Variants in NRXN3 observed in about 807,000 individuals in gnomAD.
NRXN3 encodes neurexin 3, also known as neurexin III.
NRXN3 carries 32 observed loss-of-function variants against 137.6 expected under a neutral mutation model. The ratio of observed to expected loss-of-function variants is 0.23; its 90% CI spans 0.18 to 0.31. The LOEUF (loss-of-function observed/expected upper bound fraction) is 0.31. Among genes scored for constraint, NRXN3 ranks in the 10% least tolerant of loss-of-function variants. NRXN3 has a pLI of 1.00. For missense variants in NRXN3, 1,574 were observed against 2,062.5 expected, an observed-to-expected ratio of 0.76 and a Z score of 4.59; for synonymous variants, 798 against 784.5, an observed-to-expected ratio of 1.02 and a Z score of -0.29.
At chr14:79,472,401 A>G (rs1185561026) in intron 16 of NRXN3, among the ~76,000 whole-genome samples, 1 of 152,236 alleles carries the variant, frequency 6.6e-6, no homozygotes, top group Non-Finnish European at 1.5e-5. Flanking sequence ...GCCAGGAGAT[A>G]AAAATGATTT....
chr14:78,300,960 C>T (rs2076814696), intron 4 of NRXN3, among the ~76,000 whole-genome samples: 1 of 152,100 alleles, frequency 6.6e-6, no homozygotes, highest in Non-Finnish European at 1.5e-5. Flanking sequence ...CTCTTTCTAT[C>T]AGGAACGGGG....
At chr14:79,205,426 A>T (rs2066650553) in intron 15 of NRXN3, among the ~76,000 whole-genome samples, 1 of 152,206 alleles carries the variant, frequency 6.6e-6, no homozygotes, top group African/African-American at 2.4e-5. Context: ...TAAGTAGAGC[A>T]ATTTAGATGG....
chr14:78,829,231 T>C (rs938158521), intron 10 of NRXN3, among the ~76,000 whole-genome samples: 1 of 152,318 alleles, frequency 6.6e-6, no homozygotes, highest in African/African-American at 2.4e-5. Context: ...TCATCCTTTC[T>C]TTTGTTCTTA....
At chr14:79,177,993 A>C (rs531356018) in intron 15 of NRXN3, among the ~76,000 whole-genome samples, 1 of 152,368 alleles carries the variant, frequency 6.6e-6, no homozygotes. Context: ...TGACCAAAAA[A>C]ATGGCTATGT....
intron 15 of NRXN3, among the ~76,000 whole-genome samples, chr14:79,002,213 G>A (rs1006980325): frequency 6.6e-6 from 1 of 152,110 alleles, no homozygotes; most frequent in Non-Finnish European, 1.5e-5. Flanking sequence ...ATGTGTATAT[G>A]TATTTTTTAT....
chr14:79,505,267 C>T (rs923564479), intron 16 of NRXN3, among the ~76,000 whole-genome samples: 6 of 150,642 alleles, frequency 4.0e-5, no homozygotes, highest in Non-Finnish European at 8.8e-5. Flanking sequence ...TGTGCTGTTA[C>T]AGTAGACCCC....
chr14:79,362,309 C>G (rs1326723306), intron 15 of NRXN3, among the ~76,000 whole-genome samples: 1 of 151,602 alleles, frequency 6.6e-6, no homozygotes, highest in Non-Finnish European at 1.5e-5. Context: ...CTCCCCCCAC[C>G]CCACCACAGG....
At chr14:78,174,859 C>T (rs1367183671) in intron 1 of NRXN3, among the ~76,000 whole-genome samples, 1 of 152,150 alleles carries the variant, frequency 6.6e-6, no homozygotes, top group Non-Finnish European at 1.5e-5. Flanking sequence ...TCATGGATGA[C>T]TGGTGGGCGG....
intron 15 of NRXN3, among the ~76,000 whole-genome samples, chr14:79,261,891 G>A (rs2153408530): frequency 6.6e-6 from 1 of 152,106 alleles, no homozygotes; most frequent in South Asian, 2.1e-4. Flanking sequence ...TGGGCAAGGA[G>A]ATTTTTCCCA....
intron 10 of NRXN3, among the ~76,000 whole-genome samples, chr14:78,874,195 C>G (rs2099108201): frequency 6.6e-6 from 1 of 152,078 alleles, no homozygotes; most frequent in South Asian, 2.1e-4. Context: ...TGGTCTTGAA[C>G]TCTTGACCTC....
intron 4 of NRXN3, among the ~76,000 whole-genome samples, chr14:78,456,295 T>G (rs1436989134): frequency 2.0e-5 from 3 of 152,182 alleles, no homozygotes; most frequent in African/African-American, 7.2e-5. Context: ...AAAAAGCGGC[T>G]CAGGTTTGCT....
chr14:79,159,570 G>T (rs1403572959), intron 15 of NRXN3, among the ~76,000 whole-genome samples: 1 of 151,746 alleles, frequency 6.6e-6, no homozygotes, highest in Non-Finnish European at 1.5e-5. Context: ...GTCTGCTGCT[G>T]TAGGTTTCAT....
chr14:78,389,336 G>A lies in NRXN3; in HGVS notation c.757+91476G>A, dbSNP rs563786690. Among the ~76,000 whole-genome samples the A allele has an allele frequency of 1.2e-4, 18 of 152,214 alleles. 1 individual carries two copies. Among genetic ancestry groups the A allele is most frequent in the Admixed American group, 2.0e-4 (3 of 15,286 alleles). On this transcript the variant is annotated intron_variant, in intron 4 of 20. Transcript: ENST00000335750. ...CTCCCAAAGTTCTGGGATTACAGAC[G>A]TGAGTCACCATGCCAGGCCTAAGGT...
intron 10 of NRXN3, among the ~76,000 whole-genome samples, chr14:78,859,216 A>C (rs2152519068): frequency 6.6e-6 from 1 of 152,232 alleles, no homozygotes; most frequent in Admixed American, 6.5e-5. Flanking sequence ...CATGATTGTA[A>C]GTTTCCTGAG....
chr14:79,398,700 G>A (rs1448583028), intron 15 of NRXN3, among the ~76,000 whole-genome samples: 1 of 152,018 alleles, frequency 6.6e-6, no homozygotes, highest in Non-Finnish European at 1.5e-5. Context: ...CAAGGGGGTT[G>A]AGTCTTTAGG....
At chr14:78,347,527 C>T (rs2082916067) in intron 4 of NRXN3, among the ~76,000 whole-genome samples, 1 of 152,102 alleles carries the variant, frequency 6.6e-6, no homozygotes, top group Admixed American at 6.5e-5. Context: ...CCCTTCATTC[C>T]CCTACCCATA....
At chr14:78,714,338 G>A (rs755010590) in intron 7 of NRXN3, among the ~76,000 whole-genome samples, 24 of 152,142 alleles carry the variant, frequency 1.6e-4, no homozygotes, top group Middle Eastern at 3.2e-3. Flanking sequence ...CCTATGAGGT[G>A]GGGACAGTTA....
rs541667998 is a variant in NRXN3 at position 78,385,451 on chromosome 14, G to A, written c.757+87591G>A. ...AGCACAAAAAATTGAAATTAATTGT[G>A]TTAAAAATAGTGTTCTATTGACTTT... On this transcript the variant is annotated intron_variant, in intron 4 of 20. Transcript: ENST00000335750. Among the ~76,000 whole-genome samples, 75 of 152,232 alleles carry A rather than the reference G, an allele frequency of 4.9e-4. 2 individuals carry two copies. In the South Asian group the frequency reaches 0.015, roughly 29 times the overall value.
intron 19 of NRXN3, among the ~76,000 whole-genome samples, chr14:79,716,460 T>C (rs187019334): frequency 6.6e-6 from 1 of 152,334 alleles, no homozygotes; most frequent in African/African-American, 2.4e-5. Context: ...TTTCTGGACT[T>C]TACAGCCTTC....
Sources: allele counts gnomAD v4.1 joint callset (sites outside exome capture counted in the v4.1 genomes callset), GRCh38; gene constraint gnomAD v4.1.1; transcripts MANE v1.5; gene names NCBI Gene and HGNC (gene_info 2026-07-23, HGNC 2026-07-21).